Variants in ALKAL1 observed in about 807,000 individuals in gnomAD.
The protein encoded by ALKAL1 is AUG-beta.
ALKAL1 carries 23 observed loss-of-function variants against 13.5 expected under a neutral mutation model. The ratio of observed to expected loss-of-function variants is 1.70; its 90% CI spans 1.23 to 2.41. The LOEUF (loss-of-function observed/expected upper bound fraction) is 2.41. ALKAL1 is among the 30% of genes most tolerant of loss of function. ALKAL1 has a pLI of 0.00. For synonymous variants in ALKAL1, 85 were observed against 77.7 expected (o/e 1.09, Z -0.49); for missense variants, 181 against 178.4 (o/e 1.01, Z -0.08).
rs190908163 is a variant in ALKAL1 at position 52,546,643 on chromosome 8, A to G, written c.191-4198T>C. Among the ~76,000 whole-genome samples the G allele has an allele frequency of 5.9e-5, 9 of 152,264 alleles. No individual in the cohort carries two copies. In the East Asian group the frequency reaches 1.7e-3, roughly 29 times the overall value. On this transcript the variant is annotated intron_variant, in intron 1 of 4. Transcript: ENST00000358543. ...TCTTGGTTCTCCCTTGCACTTACCTATTTAGGGAAATTTTAGGTTATTAGC... is the reference window on the plus strand; with the variant it reads ...TCTTGGTTCTCCCTTGCACTTACCTGTTTAGGGAAATTTTAGGTTATTAGC...
chr8:52,541,444 G>C (rs1181530443), intron 2 of ALKAL1, among the ~76,000 whole-genome samples: 1 of 152,182 alleles, frequency 6.6e-6, no homozygotes, highest in Non-Finnish European at 1.5e-5. Context: ...ACTCCAGCCT[G>C]AGTGATGGAG....
intron 1 of ALKAL1, among the ~76,000 whole-genome samples, chr8:52,562,672 G>A (rs1847562620): frequency 2.0e-5 from 3 of 152,206 alleles, no homozygotes; most frequent in African/African-American, 7.2e-5. Context: ...AAGGCAGACA[G>A]AGCAAGTGCA....
intron 4 of ALKAL1, among the ~76,000 whole-genome samples, chr8:52,536,983 C>T (rs550097085): frequency 6.6e-6 from 1 of 152,302 alleles, no homozygotes; most frequent in African/African-American, 2.4e-5. Flanking sequence ...GGCTTCCTGG[C>T]TTCTGACATT....
rs950943681 is a variant in ALKAL1 at position 52,539,743 on chromosome 8, C to A, written c.325+88G>T. The A allele has an allele frequency of 6.3e-6, 6 of 955,996 alleles. No homozygotes were observed. In the Admixed American group the frequency reaches 1.4e-4, roughly 22 times the overall value. The allele number at this position is 955,996 out of a possible 1,614,324, so 59.2% of individuals were successfully genotyped here. On this transcript the variant is annotated intron_variant, in intron 3 of 4. Transcript: ENST00000358543. ...TAGAATCTCAATGTTTAGTCTACTA[C>A]TTCCCACCCACAGACATTTGAAGTT... is the stretch of plus-strand genomic sequence containing the variant.
chr8:52,537,017 T>G (rs189622910), intron 4 of ALKAL1, among the ~76,000 whole-genome samples: 3 of 152,238 alleles, frequency 2.0e-5, no homozygotes, highest in African/African-American at 7.2e-5. Flanking sequence ...CTTAAGAAAA[T>G]TAGGCTATTA....
chr8:52,541,194 G>C (rs1847308425), intron 2 of ALKAL1, among the ~76,000 whole-genome samples: 1 of 152,120 alleles, frequency 6.6e-6, no homozygotes. Context: ...GTGGCAGGTG[G>C]GCCTGGTGCA....
chr8:52,548,360 A>AAAG (rs1273187835), intron 1 of ALKAL1, among the ~76,000 whole-genome samples: 1 of 152,116 alleles, frequency 6.6e-6, no homozygotes, highest in Non-Finnish European at 1.5e-5. Context: ...GAAAAAAAAA[A>AAAG]AAGAAGAAGA....
chr8:52,560,175 C>T (rs982302732), intron 1 of ALKAL1, among the ~76,000 whole-genome samples: 16 of 152,016 alleles, frequency 1.1e-4, no homozygotes, highest in African/African-American at 3.9e-4. Flanking sequence ...TGAACGATAT[C>T]ATCAAATCAA....
intron 4 of ALKAL1, among the ~76,000 whole-genome samples, chr8:52,538,074 C>T (rs1215959190): frequency 2.0e-5 from 3 of 147,396 alleles, no homozygotes; most frequent in Non-Finnish European, 4.5e-5. Context: ...GGCGACAGAG[C>T]GAGACTCTGC....
At chr8:52,563,249 T>C (rs966205089) in intron 1 of ALKAL1, among the ~76,000 whole-genome samples, 1 of 152,010 alleles carries the variant, frequency 6.6e-6, no homozygotes, top group African/African-American at 2.4e-5. Context: ...TGAAATCCCA[T>C]CTCTACTAAA....
intron 1 of ALKAL1, among the ~76,000 whole-genome samples, chr8:52,559,584 C>G (rs1331367157): frequency 6.6e-6 from 1 of 152,196 alleles, no homozygotes; most frequent in Non-Finnish European, 1.5e-5. Flanking sequence ...AAGCTGCACT[C>G]ATACAGATTT....
At chr8:52,549,198 TTTGAG>T (rs1186598920) in intron 1 of ALKAL1, among the ~76,000 whole-genome samples, 3 of 151,866 alleles carry the variant, frequency 2.0e-5, no homozygotes, top group Non-Finnish European at 4.4e-5. Context: ...TGTACAGTTC[TTTGAG>T]TTATTTATTT....
chr8:52,535,207 C>T (rs569341716), intron 4 of ALKAL1, among the ~76,000 whole-genome samples: 2 of 152,084 alleles, frequency 1.3e-5, no homozygotes, highest in South Asian at 4.2e-4. Context: ...TGGTTTAGGT[C>T]ATTTCAATAA....
intron 1 of ALKAL1, among the ~76,000 whole-genome samples, chr8:52,560,302 C>A (rs1590871047): frequency 6.6e-6 from 1 of 152,174 alleles, no homozygotes; most frequent in East Asian, 1.9e-4. Context: ...TATTTCCTGG[C>A]AGTTTATGTT....
At chr8:52,552,017 C>T (rs974699227) in intron 1 of ALKAL1, among the ~76,000 whole-genome samples, 1 of 152,168 alleles carries the variant, frequency 6.6e-6, no homozygotes, top group African/African-American at 2.4e-5. Flanking sequence ...AAAGTCCATA[C>T]TCCTTTCAGA....
chr8:52,542,126 C>T (rs969798274), intron 2 of ALKAL1, among the ~76,000 whole-genome samples: 2 of 152,202 alleles, frequency 1.3e-5, no homozygotes, highest in East Asian at 1.9e-4. Context: ...ACCTTAAATA[C>T]TGTGTCTACT....
chr8:52,548,085 A>G (rs1230776808), intron 1 of ALKAL1, among the ~76,000 whole-genome samples: 1 of 152,212 alleles, frequency 6.6e-6, no homozygotes, highest in Admixed American at 6.5e-5. Context: ...GCAGTGGCTT[A>G]TGCCTGTAAT....
At chr8:52,538,930 T>C (rs1339649856) in intron 3 of ALKAL1, among the ~76,000 whole-genome samples, 16 of 152,014 alleles carry the variant, frequency 1.1e-4, no homozygotes, top group Non-Finnish European at 2.1e-4. Flanking sequence ...TATTTATTTA[T>C]TTAGAAGCCG....
At position 52,534,543 on chromosome 8, in the gene ALKAL1, A is replaced by AT; in HGVS notation, c.*69dup. 1.7e-6 allele frequency: 1 copy of AT among 593,670 alleles called. No individual in the cohort carries two copies. Among genetic ancestry groups the AT allele is most frequent in the Middle Eastern group, 2.7e-4 (1 of 3,708 alleles). 36.8% of individuals were successfully genotyped at this position (593,670 alleles called of 1,614,324 possible). A position where few individuals can be genotyped will look rare whatever the true frequency, so the allele number is the denominator to read the frequency against. On this transcript the variant is annotated 3_prime_UTR_variant, in exon 5 of 5. Coordinates refer to ENST00000358543, the MANE Select transcript of ALKAL1 (RefSeq NM_207413.4). ...AAATATAAATTTCATCTTTTTTTAC[A>AT]TTTTGCATGATTTGAGGCACTTTTT... is the stretch of plus-strand genomic sequence containing the variant.
Sources: allele counts gnomAD v4.1 joint callset (sites outside exome capture counted in the v4.1 genomes callset), GRCh38; gene constraint gnomAD v4.1.1; transcripts MANE v1.5; gene names NCBI Gene and HGNC (gene_info 2026-07-23, HGNC 2026-07-21).